Variants in ZNF808 observed in about 807,000 individuals in gnomAD.
ZNF808 encodes zinc finger protein 808.
ZNF808 carries 5 observed loss-of-function variants against 8.7 expected under a neutral mutation model. That is an observed-to-expected ratio of 0.58 (90% confidence interval 0.30 to 1.21). The LOEUF (loss-of-function observed/expected upper bound fraction) is 1.21. Ranked by LOEUF, ZNF808 falls within the 50% of genes most tolerant of loss-of-function variation. The pLI, the probability that ZNF808 is intolerant of heterozygous loss-of-function variation, is 0.07. For synonymous variants in ZNF808, 380 were observed against 366.0 expected, an observed-to-expected ratio of 1.04 and a Z score of -0.44; for missense variants, 1,103 against 1,098.4, an observed-to-expected ratio of 1.00 and a Z score of -0.06.
At chr19:52,547,679 G>C in intron 4 of ZNF808, 41 bp downstream of exon 4, 3 of 1,600,524 alleles carry the variant, frequency 1.9e-6, no homozygotes, top group Non-Finnish European at 2.6e-6. Context: ...GTCTGCTCCT[G>C]TCTATCTTGG....
rs758599075 is a variant in ZNF808 at position 52,553,952 on chromosome 19, A to C, written c.1036A>C (p.Asn346His). ...IHTGEKPYKC[N>H]ECGKAFNQQS... ...TACTGGAGAGAAACCTTACAAGTGT[A>C]ATGAATGTGGCAAGGCTTTTAATCA... The change falls in exon 5 of 5, where the codon AAT (asparagine) becomes CAT (histidine). Residue 346 changes from asparagine to histidine, a missense_variant. Coordinates refer to ENST00000359798, the MANE Select transcript of ZNF808 (RefSeq NM_001039886.4). 2 of 1,614,038 alleles carry C rather than the reference A, an allele frequency of 1.2e-6. No individual in the cohort carries two copies. The highest frequency in any genetic ancestry group is 2.7e-5 in the African/African-American group (2 of 74,916).
chr19:52,528,809 C>T (rs2059534581), intron 1 of ZNF808, among the ~76,000 whole-genome samples: 2 of 151,432 alleles, frequency 1.3e-5, no homozygotes, highest in South Asian at 4.2e-4. Context: ...GCAGAGGAGG[C>T]GCAGAGATGG....
At chr19:52,563,866 G>A (rs2059865584) in exon 4 of ZNF808, 1 of 238,138 alleles carries the variant, frequency 4.2e-6, no homozygotes, top group Non-Finnish European at 8.3e-6. Flanking sequence ...CACAGTGGTG[G>A]GCACCTGTAA....
chr19:52,535,664 G>A (rs1057192133), intron 2 of ZNF808, among the ~76,000 whole-genome samples: 42 of 152,342 alleles, frequency 2.8e-4, no homozygotes, highest in Non-Finnish European at 4.3e-4. Flanking sequence ...ATAGAAAGGG[G>A]GAGGATTTCT....
At chr19:52,546,125 C>A (rs187996280) in intron 3 of ZNF808, among the ~76,000 whole-genome samples, 13 of 151,382 alleles carry the variant, frequency 8.6e-5, no homozygotes, top group Admixed American at 5.9e-4. Context: ...GCACTTAGAA[C>A]AGTGTATAGC....
downstream of ZNF808, among the ~76,000 whole-genome samples, chr19:52,561,210 C>G (rs201952020): frequency 3.4e-5 from 1 of 29,538 alleles, no homozygotes; most frequent in East Asian, 7.5e-4. Context: ...CTCTCTCTCT[C>G]TCTATATATA....
chr19:52,558,087 CT>C (rs11410246), downstream of ZNF808, among the ~76,000 whole-genome samples: 116 of 44,314 alleles, frequency 2.6e-3, 1 homozygote, highest in East Asian at 0.031. Context: ...TTCTTTCTTT[CT>C]TTTTTTTTTT....
rs189381557 is a variant in ZNF808, at chr19:52,528,493, T to G, written c.-122+782T>G. The stretch of plus-strand genomic sequence containing the variant: ...GGGATATGCCAAGATATGGTGAAAG[T>G]GGAAAAAGAAAGCAACAAAATACCT... On this transcript the variant is annotated intron_variant, in intron 1 of 4. Coordinates refer to ENST00000359798, the MANE Select transcript of ZNF808 (RefSeq NM_001039886.4). 3.6e-3 allele frequency among the ~76,000 whole-genome samples: 539 copies of G among 151,810 alleles called. 3 individuals carry two copies. The highest frequency in any genetic ancestry group is 0.013 in the African/African-American group (525 of 41,374).
chr19:52,533,495 G>A (rs929524938), intron 2 of ZNF808, among the ~76,000 whole-genome samples: 23 of 151,726 alleles, frequency 1.5e-4, no homozygotes, highest in African/African-American at 5.6e-4. Context: ...CAAAGTACTG[G>A]GATTACAGGT....
intron 3 of ZNF808, among the ~76,000 whole-genome samples, chr19:52,544,697 T>G (rs1439511411): frequency 1.3e-5 from 2 of 152,178 alleles, no homozygotes; most frequent in East Asian, 3.9e-4. Flanking sequence ...AAAGCTTGCT[T>G]TAGCCTTGAT....
At chr19:52,558,109 A>G (rs1162786902), downstream of ZNF808, among the ~76,000 whole-genome samples, 1 of 127,648 alleles carries the variant, frequency 7.8e-6, no homozygotes, top group East Asian at 2.2e-4. Context: ...TTTTTGAGAC[A>G]GAGTCTCGCT....
At position 52,554,465 on chromosome 19, in the gene ZNF808, G is replaced by T. The variant is rs201823180; in HGVS notation, c.1549G>T (p.Gly517Cys). Residue 517 changes from glycine to cysteine, a missense_variant, in exon 5 of 5, where the codon GGC (glycine) becomes TGC (cysteine). Coordinates refer to ENST00000359798, the MANE Select transcript of ZNF808 (RefSeq NM_001039886.4). ...AAAACCTTACAAGTGTAATCAGTGT[G>T]GCAATACCTTCCGTCACCGGGCATC... is the stretch of plus-strand genomic sequence containing the variant. The part of the protein sequence containing the change: ...GEKPYKCNQC[G>C]NTFRHRASLV... 2.2e-4 allele frequency: 362 copies of T among 1,614,086 alleles called. 1 individual carries two copies. Among genetic ancestry groups the T allele is most frequent in the Non-Finnish European group, 2.9e-4 (346 of 1,180,014 alleles).
intron 3 of ZNF808, among the ~76,000 whole-genome samples, chr19:52,561,835 C>T (rs964299041): frequency 4.6e-5 from 7 of 152,140 alleles, no homozygotes; most frequent in African/African-American, 1.2e-4. Flanking sequence ...GCATGAGCCA[C>T]GGTGCCTGGC....
chr19:52,552,585 G>A (rs1401290541), intron 4 of ZNF808, among the ~76,000 whole-genome samples: 2 of 151,024 alleles, frequency 1.3e-5, no homozygotes, highest in African/African-American at 2.4e-5. Context: ...GCTAATTTTT[G>A]TAATCTTTTC....
At chr19:52,556,982 G>GT (rs1280886479), downstream of ZNF808, among the ~76,000 whole-genome samples, 80 of 151,054 alleles carry the variant, frequency 5.3e-4, 1 homozygote, top group African/African-American at 1.4e-3. Context: ...TTGTTTGTTT[G>GT]TTTTTTTTTA....
At position 52,553,400 on chromosome 19, in the gene ZNF808, T is replaced by G; in HGVS notation, c.484T>G (p.Ser162Ala). 6.2e-7 allele frequency: 1 copy of G among 1,614,174 alleles called. No individual in the cohort carries two copies. Among genetic ancestry groups the G allele is most frequent in the South Asian group, 1.1e-5 (1 of 91,084 alleles). The change falls in exon 5 of 5, where the codon TCA becomes GCA. Residue 162 changes from serine (S) to alanine (A), a missense_variant. Physicochemically the swap from Ser to Ala is moderately conservative, Grantham distance 99. Coordinates refer to ENST00000359798, the MANE Select transcript of ZNF808 (RefSeq NM_001039886.4). ...IKDQLGSSFY[S>A]HLPELHIFQI... Reference sequence around the variant, plus strand: ...AGATCAGCTTGGATCAAGCTTTTATTCACATCTGCCTGAACTCCACATATT... The same window carrying G: ...AGATCAGCTTGGATCAAGCTTTTATGCACATCTGCCTGAACTCCACATATT...
intron 2 of ZNF808, among the ~76,000 whole-genome samples, chr19:52,536,537 C>G (rs971983869): frequency 2.7e-4 from 41 of 152,240 alleles, no homozygotes; most frequent in African/African-American, 8.7e-4. Context: ...TGCTGCTCCC[C>G]AATTCTTCCC....
At chr19:52,532,711 T>A (rs188294851) in intron 1 of ZNF808, among the ~76,000 whole-genome samples, 197 bp from the exon 2 acceptor site, 42 of 147,960 alleles carry the variant, frequency 2.8e-4, no homozygotes, top group Middle Eastern at 7.0e-3. Context: ...TAGGCTTCCA[T>A]AGAAATGATT....
Position 52,532,994 on chromosome 19 carries a change from C to T in ZNF808, c.-35C>T, listed in dbSNP as rs1485863032. 6.5e-6 allele frequency: 1 copy of T among 153,138 alleles called. No individual in the cohort carries two copies. Among genetic ancestry groups the T allele is most frequent in the Non-Finnish European group, 1.5e-5 (1 of 68,406 alleles). The allele number at this position is 153,138 out of a possible 1,614,324, so 9.5% of individuals were successfully genotyped here. ...GCTGCAGTGAGCCCTGTTTTTGCCA[C>T]CACACTCCAGCCTGGGTGAGTGAGC... On this transcript the variant is annotated 5_prime_UTR_variant, in exon 2 of 5. Transcript: ENST00000359798.
Sources: allele counts gnomAD v4.1 joint callset (sites outside exome capture counted in the v4.1 genomes callset), GRCh38; gene constraint gnomAD v4.1.1; transcripts MANE v1.5; gene names NCBI Gene and HGNC (gene_info 2026-07-23, HGNC 2026-07-21).